The following ZNF845 variants were observed in gnomAD, a reference collection of about 807,000 sequenced individuals.
ZNF845 encodes zinc finger protein 845.
Under a neutral mutation model 76.1 loss-of-function variants are expected in ZNF845, and 59 were observed. The ratio of observed to expected loss-of-function variants is 0.78; its 90% CI spans 0.63 to 0.96. The LOEUF (loss-of-function observed/expected upper bound fraction) is 0.96. Among genes scored for constraint, ZNF845 ranks in the 40% least tolerant of loss-of-function variants. The pLI, the probability that ZNF845 is intolerant of heterozygous loss-of-function variation, is 0.00. For synonymous variants in ZNF845, 361 were observed against 386.9 expected, an observed-to-expected ratio of 0.93 and a Z score of 0.78; for missense variants, 1,045 against 1,172.8, an observed-to-expected ratio of 0.89 and a Z score of 1.59.
intron 2 of ZNF845, among the ~76,000 whole-genome samples, chr19:53,343,942 C>T (rs1205405310): frequency 2.0e-5 from 3 of 152,018 alleles, no homozygotes; most frequent in South Asian, 4.1e-4. Flanking sequence ...ACCTCAGGCT[C>T]CCAAGTAGCT....
chr19:53,340,125 C>T (rs1023996956), intron 1 of ZNF845, among the ~76,000 whole-genome samples: 1 of 148,880 alleles, frequency 6.7e-6, no homozygotes, highest in African/African-American at 2.4e-5. Context: ...GATCTTGGCT[C>T]ACTGCAACCT....
chr19:53,339,376 G>T (rs1046529458), intron 1 of ZNF845, among the ~76,000 whole-genome samples: 2 of 152,214 alleles, frequency 1.3e-5, no homozygotes, highest in African/African-American at 4.8e-5. Flanking sequence ...TCCCTTTCCC[G>T]TTGTCTTCTC....
At position 53,352,345 on chromosome 19, in the gene ZNF845, G is replaced by A. The variant is rs928452142; in HGVS notation, c.1670G>A (p.Gly557Asp). 1 of 1,613,678 alleles carries A rather than the reference G, an allele frequency of 6.2e-7. No homozygotes were observed. Among genetic ancestry groups the A allele is most frequent in the African/African-American group, 1.3e-5 (1 of 74,842 alleles). The part of the protein sequence containing the change: ...GEKPYQCNEC[G>D]KAFRGQSALI... Reference sequence around the variant, plus strand: ...AAACCTTACCAGTGTAATGAGTGTGGCAAAGCCTTTCGTGGGCAGTCAGCA... The same window carrying A: ...AAACCTTACCAGTGTAATGAGTGTGACAAAGCCTTTCGTGGGCAGTCAGCA... Residue 557 changes from glycine to aspartate, a missense_variant, in exon 4 of 4, where the codon GGC (glycine) becomes GAC (aspartate). Gly to Asp is a moderately conservative substitution (Grantham distance 94). Coordinates refer to ENST00000458035, the MANE Select transcript of ZNF845 (RefSeq NM_138374.3).
intron 3 of ZNF845, among the ~76,000 whole-genome samples, chr19:53,348,505 A>G (rs1277072421): frequency 6.6e-6 from 1 of 152,170 alleles, no homozygotes; most frequent in Non-Finnish European, 1.5e-5. Flanking sequence ...AGTCCTATTC[A>G]TGAGTAGTCA....
rs75887836 is a variant in ZNF845 at position 53,345,526 on chromosome 19, T to A, written c.36T>A (p.Asp12Glu). 1 of 1,610,474 alleles carries A rather than the reference T, an allele frequency of 6.2e-7. No homozygotes were observed. Among genetic ancestry groups the A allele is most frequent in the Non-Finnish European group, 8.5e-7 (1 of 1,178,060 alleles). ...TTCAGGGTCTATTGACATTCAGGGA[T>A]GTGGCCATAGAATTCTCTCAGGAAG... ...ALSQGLLTFR[D>E]VAIEFSQEEW... The change falls in exon 3 of 4, where the codon GAT (aspartate) becomes GAA (glutamate). Residue 12 changes from aspartate (D) to glutamate (E), a missense_variant. Physicochemically the swap from Asp to Glu is conservative, Grantham distance 45. Transcript: ENST00000458035.
intron 1 of ZNF845, among the ~76,000 whole-genome samples, chr19:53,336,080 C>T (rs559130314): frequency 1.3e-5 from 2 of 152,166 alleles, no homozygotes; most frequent in South Asian, 4.1e-4. Flanking sequence ...GGCATGGTGG[C>T]ATGCACCTCT....
rs112445443 is a variant in ZNF845, at chr19:53,338,650, T to C, written c.-73-2585T>C. ...CCACCTCCTCCTGCCAGGCCAGTGGTGATGACGCTCTACTGGCTTTTCCTT... is the reference window on the plus strand; with the variant it reads ...CCACCTCCTCCTGCCAGGCCAGTGGCGATGACGCTCTACTGGCTTTTCCTT... On this transcript the variant is annotated intron_variant, in intron 1 of 3. Coordinates refer to ENST00000458035, the MANE Select transcript of ZNF845 (RefSeq NM_138374.3). 2.4e-4 allele frequency among the ~76,000 whole-genome samples: 24 copies of C among 101,970 alleles called. 5 individuals carry two copies. Among genetic ancestry groups the C allele is most frequent in the South Asian group, 2.8e-4 (1 of 3,636 alleles). The allele number at this position is 101,970 out of a possible 152,430, so 66.9% of individuals were successfully genotyped here.
rs777080055 is a variant in ZNF845 at position 53,337,116 on chromosome 19, G to T, written c.-74+3324G>T. 24 of 456,838 alleles carry T rather than the reference G, an allele frequency of 5.3e-5. 1 individual carries two copies. The highest frequency in any genetic ancestry group is 3.3e-4 in the South Asian group (21 of 64,554). 28.3% of individuals were successfully genotyped at this position (456,838 alleles called of 1,614,324 possible). Reference sequence around the variant, plus strand: ...CTCCTCCTGGGAGCTTGCCCTCATCGCATGACTGTCTCTGCCCCAGTCATA... The same window carrying T: ...CTCCTCCTGGGAGCTTGCCCTCATCTCATGACTGTCTCTGCCCCAGTCATA... On this transcript the variant is annotated intron_variant, in intron 1 of 3. Transcript: ENST00000458035.
chr19:53,353,689 C>A lies in ZNF845; in HGVS notation c.*101C>A. ...AGCTTACAAATGTAAGAGTTTGTGA[C>A]AAGAATCTTGGGCGTGATTCACACC... On this transcript the variant is annotated 3_prime_UTR_variant, in exon 4 of 4. Coordinates refer to ENST00000458035, the MANE Select transcript of ZNF845 (RefSeq NM_138374.3). 6.6e-7 allele frequency: 1 copy of A among 1,524,026 alleles called. No individual in the cohort carries two copies. The highest frequency in any genetic ancestry group is 8.8e-7 in the Non-Finnish European group (1 of 1,139,872). 94.4% of individuals were successfully genotyped at this position (1,524,026 alleles called of 1,614,324 possible). A position where few individuals can be genotyped will look rare whatever the true frequency, so the allele number is the denominator to read the frequency against.
Position 53,352,396 on chromosome 19 carries a change from G to C in ZNF845, c.1721G>C (p.Gly574Ala), listed in dbSNP as rs750330047. The C allele has an allele frequency of 9.3e-6, 15 of 1,613,694 alleles. No individual in the cohort carries two copies. The highest frequency in any genetic ancestry group is 5.9e-6 in the Non-Finnish European group (7 of 1,179,780). The change falls in exon 4 of 4, where the codon GGT (glycine) becomes GCT (alanine). Residue 574 changes from glycine to alanine, a missense_variant. Coordinates refer to ENST00000458035, the MANE Select transcript of ZNF845 (RefSeq NM_138374.3). ...SALIYHQAIH[G>A]IGKLYKCNDC... is the part of the protein sequence containing the mutation. ...CTTATTTACCATCAAGCAATCCATG[G>C]TATAGGGAAACTTTACAAATGTAAT...
chr19:53,335,510 C>G (rs1054343380), intron 1 of ZNF845, among the ~76,000 whole-genome samples: 6 of 152,134 alleles, frequency 3.9e-5, no homozygotes, highest in African/African-American at 1.4e-4. Context: ...ATCGTCCTGC[C>G]TTGGCCTCCC....
intron 1 of ZNF845, among the ~76,000 whole-genome samples, chr19:53,336,633 C>CTTTCT (rs1181749089): frequency 1.5e-4 from 14 of 92,428 alleles, no homozygotes; most frequent in East Asian, 3.5e-4. Context: ...TTCTTTCTTT[C>CTTTCT]TTTTTTTTTT....
chr19:53,341,769 C>A (rs775407039), intron 2 of ZNF845, among the ~76,000 whole-genome samples: 3 of 152,182 alleles, frequency 2.0e-5, no homozygotes, highest in African/African-American at 4.8e-5. Flanking sequence ...TGATTTTATA[C>A]TACATTTTTA....
rs748217054 is a variant in ZNF845, at chr19:53,352,880, A to C, written c.2205A>C (p.Thr735=). The C allele has an allele frequency of 2.0e-5, 33 of 1,614,092 alleles. 1 individual carries two copies. Among genetic ancestry groups the C allele is most frequent in the Middle Eastern group, 3.3e-4 (2 of 6,060 alleles). ...CCTTCAGTCAGAAGTCATCCCTTAC[A>C]TGCCATCTTAGACTTCATACTGGAG... is the stretch of plus-strand genomic sequence containing the variant. The part of the protein sequence containing the change: ...GKAFSQKSSL[T]CHLRLHTGEK... Residue 735 remains threonine (T), a synonymous_variant, in exon 4 of 4, where the codon ACA becomes ACC. Transcript: ENST00000458035.
Position 53,345,779 on chromosome 19 carries a change from C to A in ZNF845, c.142+147C>A, listed in dbSNP as rs934577790. On this transcript the variant is annotated intron_variant, in intron 3 of 3. Transcript: ENST00000458035. ...CTTACTGCAATCTTGAATTCCTGGG[C>A]TCATGTGATTGTCCCACCTCAGCCT... is the stretch of plus-strand genomic sequence containing the variant. The A allele has an allele frequency of 1.3e-5, 19 of 1,496,142 alleles. No homozygotes were observed. The African/African-American group carries it at 2.3e-4, about 18-fold the overall frequency. 92.7% of individuals were successfully genotyped at this position (1,496,142 alleles called of 1,614,324 possible). A position where few individuals can be genotyped will look rare whatever the true frequency, so the allele number is the denominator to read the frequency against.
chr19:53,353,915 T>G lies in ZNF845; in HGVS notation c.*327T>G. On this transcript the variant is annotated 3_prime_UTR_variant, in exon 4 of 4. Coordinates refer to ENST00000458035, the MANE Select transcript of ZNF845 (RefSeq NM_138374.3). ...TCATTGGAGAATCCATAATGAGAGATTTTGAAAGTGTAATAAATGTGGCAA... is the reference window on the plus strand; with the variant it reads ...TCATTGGAGAATCCATAATGAGAGAGTTTGAAAGTGTAATAAATGTGGCAA... The G allele has an allele frequency of 1.0e-6, 1 of 957,640 alleles. No individual in the cohort carries two copies. The highest frequency in any genetic ancestry group is 1.5e-6 in the Non-Finnish European group (1 of 662,214). 59.3% of individuals were successfully genotyped at this position (957,640 alleles called of 1,614,324 possible).
Position 53,352,412 on chromosome 19 carries a change from C to T in ZNF845, c.1737C>T (p.Tyr579=). ...CAATCCATGGTATAGGGAAACTTTA[C>T]AAATGTAATGATTGTCACCAAGTCT... The part of the protein sequence containing the change: ...HQAIHGIGKL[Y]KCNDCHQVFS... Residue 579 remains tyrosine, a synonymous_variant, in exon 4 of 4, where the codon TAC becomes TAT. Coordinates refer to ENST00000458035, the MANE Select transcript of ZNF845 (RefSeq NM_138374.3). 6.2e-7 allele frequency: 1 copy of T among 1,613,862 alleles called. No individual in the cohort carries two copies. The highest frequency in any genetic ancestry group is 1.7e-5 in the Admixed American group (1 of 59,998).
rs752380155 is a variant in ZNF845, at chr19:53,350,998, G to C, written c.323G>C (p.Ser108Thr). 15 of 1,614,162 alleles carry C rather than the reference G, an allele frequency of 9.3e-6. No individual in the cohort carries two copies. Among genetic ancestry groups the C allele is most frequent in the Non-Finnish European group, 1.3e-5 (15 of 1,180,024 alleles). ...EFQWKEDERN[S>T]HEAPMTEIKQ... ...CAGTGGAAAGAAGATGAAAGAAATA[G>C]CCATGAAGCACCCATGACAGAAATC... The change falls in exon 4 of 4, where the codon AGC (serine) becomes ACC (threonine). Residue 108 changes from serine to threonine, a missense_variant. By Grantham distance (58) the Ser-to-Thr change is moderately conservative. Coordinates refer to ENST00000458035, the MANE Select transcript of ZNF845 (RefSeq NM_138374.3).
In ZNF845 at chr19:53,347,043, C is replaced by G. The variant is rs972612804; in HGVS notation, c.142+1411C>G. ...GGATTACAGGCCTGTGCCACCATGC[C>G]TGGCTAATTTTGTATTTTTAGTAGA... On this transcript the variant is annotated intron_variant, in intron 3 of 3. Transcript: ENST00000458035. Among the ~76,000 whole-genome samples, 3 of 151,964 alleles carry G rather than the reference C, an allele frequency of 2.0e-5. No homozygotes were observed. In the East Asian group the frequency reaches 5.9e-4, roughly 30 times the overall value.
Sources: allele counts gnomAD v4.1 joint callset (sites outside exome capture counted in the v4.1 genomes callset), GRCh38; gene constraint gnomAD v4.1.1; transcripts MANE v1.5; gene names NCBI Gene and HGNC (gene_info 2026-07-23, HGNC 2026-07-21).